COL28A1: variants seen among roughly 807,000 people sequenced by gnomAD.
COL28A1 encodes collagen alpha-1(XXVIII) chain.
A neutral mutation model predicts 150.2 loss-of-function variants in COL28A1; 161 were observed. That is an observed-to-expected ratio of 1.07 (90% CI 0.94 to 1.22). COL28A1 has a LOEUF of 1.22. COL28A1 is among the 50% of genes most tolerant of loss of function. The pLI is 0.00. For synonymous variants in COL28A1, 552 were observed against 469.7 expected, an observed-to-expected ratio of 1.18 and a Z score of -2.26; for missense variants, 1,617 against 1,388.3, an observed-to-expected ratio of 1.16 and a Z score of -2.62.
intron 33 of COL28A1, among the ~76,000 whole-genome samples, chr7:7,366,390 G>A (rs766189035): frequency 2.6e-5 from 4 of 152,142 alleles, no homozygotes; most frequent in Non-Finnish European, 5.9e-5. Flanking sequence ...CTTCAGCAAT[G>A]AGACCACAAG....
At position 7,358,583 on chromosome 7, in the gene COL28A1, G is replaced by A. The variant is rs1216014635; in HGVS notation, c.*50C>T. 1 of 1,546,980 alleles carries A rather than the reference G, an allele frequency of 6.5e-7. No individual in the cohort carries two copies. Among genetic ancestry groups the A allele is most frequent in the African/African-American group, 1.4e-5 (1 of 73,282 alleles). ...CTGTATTTGTATTGGGTGAATATGT[G>A]GAAATTAGGGAGTTCTATGCTTTTG... On this transcript the variant is annotated 3_prime_UTR_variant, in exon 35 of 35. Transcript: ENST00000399429.
At chr7:7,510,298 G>T (rs1000281130) in intron 9 of COL28A1, among the ~76,000 whole-genome samples, 9 of 151,722 alleles carry the variant, frequency 5.9e-5, no homozygotes, top group Non-Finnish European at 8.8e-5. Context: ...TTGATTGATT[G>T]ATTTTTGAGA....
chr7:7,383,150 T>C (rs906701123), intron 27 of COL28A1, among the ~76,000 whole-genome samples: 6 of 152,140 alleles, frequency 3.9e-5, no homozygotes, highest in African/African-American at 1.2e-4. Flanking sequence ...CCAATCCTAT[T>C]TCTCTGAGAG....
chr7:7,442,603 A>AAT (rs1385604909), intron 20 of COL28A1, among the ~76,000 whole-genome samples: 7 of 152,278 alleles, frequency 4.6e-5, no homozygotes, highest in South Asian at 4.1e-4. Context: ...ATTCAATTTT[A>AAT]GTGAGTATGT....
intron 7 of COL28A1, among the ~76,000 whole-genome samples, chr7:7,516,885 T>C (rs1781444002): frequency 6.6e-6 from 1 of 152,164 alleles, no homozygotes; most frequent in Non-Finnish European, 1.5e-5. Context: ...TGAGTCACTG[T>C]GCCTGGCCTG....
chr7:7,471,121 T>TAATTAAAAAAAAAAAAAAAAAAAA (rs1788380884), intron 15 of COL28A1, among the ~76,000 whole-genome samples: 1 of 59,402 alleles, frequency 1.7e-5, no homozygotes, highest in Non-Finnish European at 3.4e-5. Flanking sequence ...TAAAAAAAAA[T>TAATTAAAAAAAAAAAAAAAAAAAA]AATTAAAAAA....
At chr7:7,542,800 C>T in the COL28A1 span, among the ~76,000 whole-genome samples, 1 of 152,136 alleles carries the variant, frequency 6.6e-6, no homozygotes, top group South Asian at 2.1e-4. Context: ...CTGAGATCTA[C>T]TAGGAAACTT....
intron 27 of COL28A1, among the ~76,000 whole-genome samples, chr7:7,400,722 C>G (rs977009603): frequency 2.0e-5 from 3 of 151,256 alleles, no homozygotes; most frequent in African/African-American, 7.3e-5. Flanking sequence ...ACACATATTA[C>G]TTCCTCTATA....
At chr7:7,499,325 A>G (rs1449592736) in intron 11 of COL28A1, among the ~76,000 whole-genome samples, 1 of 152,016 alleles carries the variant, frequency 6.6e-6, no homozygotes, top group Non-Finnish European at 1.5e-5. Flanking sequence ...AGCAGTCACA[A>G]CCCTTGTTCA....
chr7:7,377,582 C>T (rs1352465396), intron 30 of COL28A1, among the ~76,000 whole-genome samples: 1 of 152,020 alleles, frequency 6.6e-6, no homozygotes, highest in Non-Finnish European at 1.5e-5. Flanking sequence ...TTACAGTACT[C>T]GAGTAAACTT....
chr7:7,363,458 A>T (rs1780774730), intron 33 of COL28A1, among the ~76,000 whole-genome samples: 1 of 152,184 alleles, frequency 6.6e-6, no homozygotes, highest in Admixed American at 6.5e-5. Flanking sequence ...GCTCAGTGAG[A>T]TGTCAGATTA....
At chr7:7,449,918 G>C (rs1346095430) in intron 18 of COL28A1, among the ~76,000 whole-genome samples, 1 of 152,034 alleles carries the variant, frequency 6.6e-6, no homozygotes, top group African/African-American at 2.4e-5. Context: ...AAACCAAATG[G>C]GGTATCCTGT....
chr7:7,365,166 T>C (rs1780867815), intron 33 of COL28A1, among the ~76,000 whole-genome samples: 1 of 117,952 alleles, frequency 8.5e-6, no homozygotes, highest in African/African-American at 2.7e-5. Context: ...GCTAGGACTT[T>C]ATCTGAAGCA....
At chr7:7,438,117 T>C (rs893291764) in intron 21 of COL28A1, among the ~76,000 whole-genome samples, 1 of 150,308 alleles carries the variant, frequency 6.7e-6, no homozygotes, top group African/African-American at 2.4e-5. Flanking sequence ...CCAGACATGG[T>C]GGCATGTGCC....
chr7:7,409,681 A>C (rs530954081), intron 27 of COL28A1, among the ~76,000 whole-genome samples: 261 of 152,142 alleles, frequency 1.7e-3, no homozygotes, highest in African/African-American at 6.1e-3. Flanking sequence ...AGCCATTTTT[A>C]TTTTTCTTTT....
chr7:7,511,267 A>ATT, intron 8 of COL28A1, 132 bp from the exon 9 acceptor site: 1 of 662,006 alleles, frequency 1.5e-6, no homozygotes, highest in Non-Finnish European at 2.6e-6. Flanking sequence ...TCTACACAAT[A>ATT]TTAGCCTCAA....
chr7:7,520,120 AGGC>A lies in COL28A1; in HGVS notation c.760-8_760-6del. 8.1e-7 allele frequency: 1 copy of A among 1,231,954 alleles called. No homozygotes were observed. The allele number at this position is 1,231,954 out of a possible 1,614,324, so 76.3% of individuals were successfully genotyped here. A position where few individuals can be genotyped will look rare whatever the true frequency, so the allele number is the denominator to read the frequency against. ...ACCTGGATTTCCATGTGTACCCTGA[AGGC>A]AAAGGGAAAAAATATTATTTTAAGT... is the stretch of plus-strand genomic sequence containing the variant. On this transcript the variant is annotated splice_polypyrimidine_tract_variant and splice_region_variant and intron_variant, in intron 5 of 34. Coordinates refer to ENST00000399429, the MANE Select transcript of COL28A1 (RefSeq NM_001037763.3).
chr7:7,453,631 G>A, intron 16 of COL28A1, 123 bp from the exon 17 acceptor site: 1 of 632,302 alleles, frequency 1.6e-6, no homozygotes, highest in South Asian at 1.9e-5. Flanking sequence ...TTGTGGAGTG[G>A]GGTGCCAGGG....
chr7:7,342,079 T>C, the COL28A1 span, among the ~76,000 whole-genome samples: 2 of 152,276 alleles, frequency 1.3e-5, no homozygotes, highest in Admixed American at 6.5e-5. Context: ...TTTCTCCTTA[T>C]AGTTCAGTCC....
Sources: gnomAD v4.1 joint callset for allele counts (sites outside exome capture counted in the v4.1 genomes callset) on GRCh38, gnomAD v4.1.1 for gene constraint, MANE v1.5 for transcripts, NCBI Gene and HGNC (gene_info 2026-07-23, HGNC 2026-07-21) for gene names.